The following KLHL3 variants were observed in gnomAD, a reference collection of about 807,000 sequenced individuals.
The protein encoded by KLHL3 is kelch like family member 3.
KLHL3 carries 19 observed loss-of-function variants against 70.5 expected under a neutral mutation model. That is an observed-to-expected ratio of 0.27 (90% CI 0.19 to 0.40). The LOEUF is 0.40. Among genes scored for constraint, KLHL3 ranks in the 10% least tolerant of loss-of-function variants. The pLI, the probability that KLHL3 is intolerant of heterozygous loss-of-function variation, is 1.00. For missense variants in KLHL3, 512 were observed against 771.1 expected, an observed-to-expected ratio of 0.66 and a Z score of 3.98; for synonymous variants, 258 against 290.3, an observed-to-expected ratio of 0.89 and a Z score of 1.13.
At chr5:137,692,819 T>C (rs1580766617) in intron 4 of KLHL3, 1 of 167,146 alleles carries the variant, frequency 6.0e-6, no homozygotes. Context: ...AACAAAACTC[T>C]ACACACACAC....
intron 3 of KLHL3, among the ~76,000 whole-genome samples, chr5:137,705,235 C>T (rs150910992): frequency 0.012 from 1,830 of 152,354 alleles, 39 homozygotes; most frequent in African/African-American, 0.042. Context: ...CAATATACCA[C>T]ACAAACACTA....
chr5:137,637,284 G>A lies in KLHL3; in HGVS notation c.1321+10C>T, dbSNP rs145091610. The A allele has an allele frequency of 1.1e-4, 179 of 1,612,496 alleles. No individual in the cohort carries two copies. The highest frequency in any genetic ancestry group is 5.8e-4 in the East Asian group (26 of 44,854). Reference sequence around the variant, plus strand: ...GTAGGCCTGGCCACTGGCCACTGCCGCCTCCTTACCCTCCACAACGCCCAC... The same window carrying A: ...GTAGGCCTGGCCACTGGCCACTGCCACCTCCTTACCCTCCACAACGCCCAC... On this transcript the variant is annotated intron_variant, in intron 11 of 14. Transcript: ENST00000309755.
intron 11 of KLHL3, among the ~76,000 whole-genome samples, chr5:137,635,505 G>A (rs1371442894): frequency 1.3e-5 from 2 of 152,212 alleles, no homozygotes; most frequent in African/African-American, 4.8e-5. Flanking sequence ...CTTCGAGGCA[G>A]CCAGTAGCAA....
chr5:137,730,058 G>A (rs970543468), intron 1 of KLHL3, among the ~76,000 whole-genome samples: 1 of 152,146 alleles, frequency 6.6e-6, no homozygotes, highest in Non-Finnish European at 1.5e-5. Flanking sequence ...TGAAAGTTGA[G>A]GGTATGTTAA....
chr5:137,632,691 C>T (rs1453430361), intron 12 of KLHL3, among the ~76,000 whole-genome samples: 1 of 152,094 alleles, frequency 6.6e-6, no homozygotes, highest in Admixed American at 6.6e-5. Context: ...AAAGCTTCTC[C>T]ACAACATAAG....
intron 6 of KLHL3, among the ~76,000 whole-genome samples, chr5:137,662,971 C>CCTAAAGT (rs1368865126): frequency 6.6e-6 from 1 of 151,268 alleles, no homozygotes; most frequent in African/African-American, 2.4e-5. Context: ...AATGAAACAA[C>CCTAAAGT]CTAAAGTCCA....
intron 4 of KLHL3, among the ~76,000 whole-genome samples, chr5:137,697,541 C>T (rs1397477170): frequency 6.6e-6 from 1 of 152,100 alleles, no homozygotes; most frequent in Non-Finnish European, 1.5e-5. Context: ...ATTAAAAGTC[C>T]CCAAACAATG....
chr5:137,706,064 T>A, intron 3 of KLHL3: 3 of 985,452 alleles, frequency 3.0e-6, no homozygotes, highest in Non-Finnish European at 3.6e-6. Flanking sequence ...TTCACATTTA[T>A]TCCAAGTTAT....
intron 2 of KLHL3, among the ~76,000 whole-genome samples, chr5:137,715,038 T>C (rs1296129390): frequency 2.0e-5 from 3 of 152,178 alleles, no homozygotes; most frequent in Non-Finnish European, 4.4e-5. Context: ...TGTGCTATTC[T>C]AAGAAGGCCC....
At chr5:137,691,968 G>A (rs1038310876) in intron 5 of KLHL3, among the ~76,000 whole-genome samples, 2 of 152,088 alleles carry the variant, frequency 1.3e-5, no homozygotes, top group African/African-American at 2.4e-5. Context: ...TAAAAACAAA[G>A]CTTTTCTTAA....
At position 137,662,039 on chromosome 5, in the gene KLHL3, G is replaced by T; in HGVS notation, c.637-8C>A. The T allele has an allele frequency of 7.2e-7, 1 of 1,390,302 alleles. No homozygotes were observed. Among genetic ancestry groups the T allele is most frequent in the Non-Finnish European group, 9.8e-7 (1 of 1,022,814 alleles). 86.1% of individuals were successfully genotyped at this position (1,390,302 alleles called of 1,614,324 possible). On this transcript the variant is annotated splice_region_variant and splice_polypyrimidine_tract_variant and intron_variant, in intron 6 of 14. Coordinates refer to ENST00000309755, the MANE Select transcript of KLHL3 (RefSeq NM_017415.3). Reference sequence around the variant, plus strand: ...GATCACAGCTTCAAACACCTATAAAGAAAAGCAACATGGGCAACTTCAGTA... The same window carrying T: ...GATCACAGCTTCAAACACCTATAAATAAAAGCAACATGGGCAACTTCAGTA...
At chr5:137,730,103 C>T (rs1164793019) in intron 1 of KLHL3, among the ~76,000 whole-genome samples, 5 of 152,056 alleles carry the variant, frequency 3.3e-5, no homozygotes, top group Non-Finnish European at 7.4e-5. Context: ...CAGAACAACC[C>T]TAGGAAGTAG....
intron 8 of KLHL3, among the ~76,000 whole-genome samples, chr5:137,641,844 G>A (rs768288724): frequency 1.3e-5 from 2 of 152,108 alleles, no homozygotes; most frequent in African/African-American, 4.8e-5. Flanking sequence ...AGGAACCCAG[G>A]ACACAAAACC....
chr5:137,627,481 C>G lies in KLHL3; in HGVS notation c.1591+816G>C, dbSNP rs979890977. Among the ~76,000 whole-genome samples, 20 of 123,536 alleles carry G rather than the reference C, an allele frequency of 1.6e-4. 4 individuals carry two copies. Among genetic ancestry groups the G allele is most frequent in the Non-Finnish European group, 3.3e-4 (18 of 54,346 alleles). The allele number at this position is 123,536 out of a possible 152,430, so 81.0% of individuals were successfully genotyped here. A position where few individuals can be genotyped will look rare whatever the true frequency, so the allele number is the denominator to read the frequency against. On this transcript the variant is annotated intron_variant, in intron 13 of 14. Transcript: ENST00000309755. ...AGTAAATTAGTAAATATCACCACCC[C>G]CCCCCCCGGTTTACACTTCCAAGTC...
chr5:137,728,040 T>C (rs1017539040), intron 1 of KLHL3, among the ~76,000 whole-genome samples: 2 of 152,188 alleles, frequency 1.3e-5, no homozygotes, highest in Non-Finnish European at 2.9e-5. Flanking sequence ...ACAATAGACA[T>C]AACCTCAAAG....
chr5:137,639,363 T>C lies in KLHL3; in HGVS notation c.1022-213A>G, dbSNP rs1561586450. ...AGTAAATATTTGAATCAGCTTTAACTCCCCAAGCTCATAAGAACTGACCCC... is the reference window on the plus strand; with the variant it reads ...AGTAAATATTTGAATCAGCTTTAACCCCCCAAGCTCATAAGAACTGACCCC... On this transcript the variant is annotated intron_variant, in intron 9 of 14. Transcript: ENST00000309755. The surrounding 1 kb of genome is among the most constrained non-coding windows in gnomAD (Gnocchi z 5.0). Among the ~76,000 whole-genome samples the C allele has an allele frequency of 6.6e-6, 1 of 152,054 alleles. No individual in the cohort carries two copies. Among genetic ancestry groups the C allele is most frequent in the Non-Finnish European group, 1.5e-5 (1 of 67,996 alleles).
intron 1 of KLHL3, among the ~76,000 whole-genome samples, chr5:137,722,013 C>T (rs1418678126): frequency 6.6e-6 from 1 of 152,186 alleles, no homozygotes; most frequent in African/African-American, 2.4e-5. Flanking sequence ...CTTTGCTTTG[C>T]TACTAGGAAA....
chr5:137,703,343 C>A (rs544028852), intron 3 of KLHL3, among the ~76,000 whole-genome samples: 1 of 152,248 alleles, frequency 6.6e-6, no homozygotes, highest in South Asian at 2.1e-4. Flanking sequence ...GAACTTTCTT[C>A]CCCCCAACCC....
chr5:137,722,483 G>A (rs1753014680), intron 1 of KLHL3, among the ~76,000 whole-genome samples: 1 of 152,086 alleles, frequency 6.6e-6, no homozygotes, highest in African/African-American at 2.4e-5. Flanking sequence ...CAGAAAATGT[G>A]GCTTGAGACT....
Sources: gnomAD v4.1 joint callset for allele counts (sites outside exome capture counted in the v4.1 genomes callset) on GRCh38, gnomAD v4.1.1 for gene constraint, Gnocchi (gnomAD v3.1) non-coding constraint, MANE v1.5 for transcripts, NCBI Gene and HGNC (gene_info 2026-07-23, HGNC 2026-07-21) for gene names.